The following IL22RA1 variants were observed in gnomAD, a reference collection of about 807,000 sequenced individuals.
IL22RA1 encodes the protein interleukin 22 receptor subunit alpha 1.
In IL22RA1, 25 loss-of-function variants were observed where a neutral mutation model predicts 32.8. That is an observed-to-expected ratio of 0.76 (90% confidence interval 0.55 to 1.06). The LOEUF is 1.06. IL22RA1 is among the 50% of genes least tolerant of loss of function. The pLI is 0.00. For missense variants in IL22RA1, 709 were observed against 727.4 expected (o/e 0.97, Z 0.29); for synonymous variants, 305 against 305.0 (o/e 1.00, Z 0.00).
Position 24,139,580 on chromosome 1 carries a change from C to T in IL22RA1, c.44-866G>A, listed in dbSNP as rs35862602. 7.3e-3 allele frequency among the ~76,000 whole-genome samples: 1,113 copies of T among 152,306 alleles called. 8 individuals carry two copies. Among genetic ancestry groups the T allele is most frequent in the Non-Finnish European group, 0.012 (823 of 68,022 alleles). On this transcript the variant is annotated intron_variant, in intron 1 of 6. Coordinates refer to ENST00000270800, the MANE Select transcript of IL22RA1 (RefSeq NM_021258.4). Reference sequence around the variant, plus strand: ...ACAGGGTCTTGCTCTGTCCCCCAGGCTGGAGTGCAGTGGCGTGATCATGGC... The same window carrying T: ...ACAGGGTCTTGCTCTGTCCCCCAGGTTGGAGTGCAGTGGCGTGATCATGGC...
rs776649354 is a variant in IL22RA1, at chr1:24,121,118, C to T, written c.1412G>A (p.Cys471Tyr). The T allele has an allele frequency of 6.2e-7, 1 of 1,614,034 alleles. No individual in the cohort carries two copies. The highest frequency in any genetic ancestry group is 1.3e-5 in the African/African-American group (1 of 74,898). ...ATTTGGGTCAGATGTTCTGTCTGTG[C>T]AAATCCCCAGGGGCTGGTGCAATGA... is the stretch of plus-strand genomic sequence containing the variant. ...AKSLHQPLGICTDRTSDPNVL... is the reference protein window; with the variant it reads ...AKSLHQPLGIYTDRTSDPNVL... Residue 471 changes from cysteine (C) to tyrosine (Y), a missense_variant, in exon 7 of 7, where the codon TGC (cysteine) becomes TAC (tyrosine). Transcript: ENST00000270800.
intron 2 of IL22RA1, 145 bp downstream of exon 2, chr1:24,138,437 A>G (rs753609231): frequency 1.2e-6 from 1 of 848,594 alleles, no homozygotes; most frequent in African/African-American, 1.7e-5. Context: ...CAAAAGAAAC[A>G]TAAAGGAGCA....
chr1:24,133,345 C>T (rs955386283), intron 4 of IL22RA1, among the ~76,000 whole-genome samples: 12 of 152,094 alleles, frequency 7.9e-5, no homozygotes, highest in Admixed American at 3.9e-4. Context: ...CCCATATTTT[C>T]CTCTACCTAT....
In IL22RA1 at chr1:24,129,641, G is replaced by C. The variant is rs565139902; in HGVS notation, c.532-1362C>G. 2.0e-5 allele frequency among the ~76,000 whole-genome samples: 3 copies of C among 152,244 alleles called. No homozygotes were observed. The East Asian group carries it at 5.8e-4, about 29-fold the overall frequency. On this transcript the variant is annotated intron_variant, in intron 4 of 6. Coordinates refer to ENST00000270800, the MANE Select transcript of IL22RA1 (RefSeq NM_021258.4). ...TAAAGGGCCAGAACCTGTGTTCTCG[G>C]GAGTTCAAAAACTGAGAATTTTCTT... is the stretch of plus-strand genomic sequence containing the variant.
intron 1 of IL22RA1, among the ~76,000 whole-genome samples, chr1:24,141,915 T>A (rs1459017648): frequency 6.6e-6 from 1 of 152,188 alleles, no homozygotes; most frequent in African/African-American, 2.4e-5. Flanking sequence ...CAATTCCACA[T>A]GCTCTGGAGT....
Position 24,123,294 on chromosome 1 carries a change from T to A in IL22RA1, c.792+8A>T, listed in dbSNP as rs763608459. ...ACCTCTCCCTCCCACCCTGGGGGGATGGCTCACCAGGGAGTTGGGAGGTGC... is the reference window on the plus strand; with the variant it reads ...ACCTCTCCCTCCCACCCTGGGGGGAAGGCTCACCAGGGAGTTGGGAGGTGC... On this transcript the variant is annotated splice_region_variant and intron_variant, in intron 6 of 6. Coordinates refer to ENST00000270800, the MANE Select transcript of IL22RA1 (RefSeq NM_021258.4). 1.2e-6 allele frequency: 2 copies of A among 1,613,266 alleles called. No individual in the cohort carries two copies. Among genetic ancestry groups the A allele is most frequent in the Middle Eastern group, 1.7e-4 (1 of 6,048 alleles).
At chr1:24,124,172 G>A (rs1402663231) in intron 5 of IL22RA1, among the ~76,000 whole-genome samples, 3 of 152,282 alleles carry the variant, frequency 2.0e-5, no homozygotes, top group African/African-American at 2.4e-5. Context: ...TAAAGTGCTG[G>A]GTGCAGGGAA....
At position 24,138,678 on chromosome 1, in the gene IL22RA1, T is replaced by G; in HGVS notation, c.80A>C (p.His27Pro). 1.9e-6 allele frequency: 3 copies of G among 1,614,174 alleles called. No homozygotes were observed. The highest frequency in any genetic ancestry group is 2.5e-6 in the Non-Finnish European group (3 of 1,180,028). ...AAAGTTGCTGGACTGGAATTTCACGTGCTGGAGCAGATCCGAGGGGTCCTC... is the reference window on the plus strand; with the variant it reads ...AAAGTTGCTGGACTGGAATTTCACGGGCTGGAGCAGATCCGAGGGGTCCTC... ...APEDPSDLLQ[H>P]VKFQSSNFEN... The change falls in exon 2 of 7, where the codon CAC (histidine) becomes CCC (proline). Residue 27 changes from histidine to proline, a missense_variant. Coordinates refer to ENST00000270800, the MANE Select transcript of IL22RA1 (RefSeq NM_021258.4).
Position 24,137,169 on chromosome 1 carries a change from G to A in IL22RA1, c.317C>T (p.Ala106Val). The A allele has an allele frequency of 6.2e-7, 1 of 1,613,932 alleles. No homozygotes were observed. Among genetic ancestry groups the A allele is most frequent in the Non-Finnish European group, 8.5e-7 (1 of 1,179,950 alleles). The change falls in exon 3 of 7, where the codon GCC (alanine) becomes GTC (valine). Residue 106 changes from alanine (A) to valine (V), a missense_variant. Coordinates refer to ENST00000270800, the MANE Select transcript of IL22RA1 (RefSeq NM_021258.4). ...GCTGAACCTGTCAGTCATCTTGGTG[G>A]CTGACCGGCCTCCCGCACTGACAGC... Reference protein sequence around the residue: ...VTAVSAGGRSATKMTDRFSSL... With the variant: ...VTAVSAGGRSVTKMTDRFSSL...
chr1:24,134,690 G>T (rs374322347), intron 3 of IL22RA1, among the ~76,000 whole-genome samples: 5 of 152,122 alleles, frequency 3.3e-5, no homozygotes, highest in Admixed American at 6.5e-5. Context: ...AGCCCCCTGC[G>T]TCCCCACCTT....
rs1460706875 is a variant in IL22RA1 at position 24,120,399 on chromosome 1, C to G, written c.*406G>C. On this transcript the variant is annotated 3_prime_UTR_variant, in exon 7 of 7. Transcript: ENST00000270800. Reference sequence around the variant, plus strand: ...ACAGAAGAGGCAGGGGCCTCATGCTCTGTCGAGCTAGATTGTGAAACTGGC... The same window carrying G: ...ACAGAAGAGGCAGGGGCCTCATGCTGTGTCGAGCTAGATTGTGAAACTGGC... 2 of 164,318 alleles carry G rather than the reference C, an allele frequency of 1.2e-5. No homozygotes were observed. The highest frequency in any genetic ancestry group is 4.8e-5 in the African/African-American group (2 of 41,876). 10.2% of individuals were successfully genotyped at this position (164,318 alleles called of 1,614,324 possible). A position where few individuals can be genotyped will look rare whatever the true frequency, so the allele number is the denominator to read the frequency against.
chr1:24,140,279 T>C (rs1644271657), intron 1 of IL22RA1, among the ~76,000 whole-genome samples: 1 of 152,138 alleles, frequency 6.6e-6, no homozygotes, highest in African/African-American at 2.4e-5. Flanking sequence ...GCTAGACTGG[T>C]TGTGGGGCGG....
At chr1:24,141,347 G>A (rs1044787900) in intron 1 of IL22RA1, among the ~76,000 whole-genome samples, 3 of 152,196 alleles carry the variant, frequency 2.0e-5, no homozygotes, top group Non-Finnish European at 4.4e-5. Flanking sequence ...GTGGCTTCTG[G>A]TTGGGTGGTG....
chr1:24,128,571 T>C (rs2148571857), intron 4 of IL22RA1, among the ~76,000 whole-genome samples: 1 of 151,794 alleles, frequency 6.6e-6, no homozygotes, highest in South Asian at 2.1e-4. Flanking sequence ...TATACACACA[T>C]AATGGCAGCT....
intron 1 of IL22RA1, among the ~76,000 whole-genome samples, chr1:24,138,987 CCACCTTACAGTGTT>C (rs1229354980): frequency 2.0e-5 from 3 of 152,254 alleles, no homozygotes; most frequent in Non-Finnish European, 4.4e-5. Context: ...ATAAATGTCA[CCACCTTACAGTGTT>C]CAGTTCAATG....
In IL22RA1 at chr1:24,128,132, C is replaced by T. The variant is rs201360269; in HGVS notation, c.670+9G>A. ...AGCCCCACCTCCCTCTGGTTTCAGCCGAACTCACCTGGCAGTGTCTTCACT... is the reference window on the plus strand; with the variant it reads ...AGCCCCACCTCCCTCTGGTTTCAGCTGAACTCACCTGGCAGTGTCTTCACT... On this transcript the variant is annotated intron_variant, in intron 5 of 6. Coordinates refer to ENST00000270800, the MANE Select transcript of IL22RA1 (RefSeq NM_021258.4). The T allele has an allele frequency of 1.4e-4, 218 of 1,507,778 alleles. 1 individual carries two copies. The highest frequency in any genetic ancestry group is 1.7e-4 in the Non-Finnish European group (195 of 1,126,110). 93.4% of individuals were successfully genotyped at this position (1,507,778 alleles called of 1,614,324 possible).
Position 24,120,770 on chromosome 1 carries a change from G to A in IL22RA1, c.*35C>T, listed in dbSNP as rs1359630247. ...AGCCAAGGATGTGACACTGGGTAGG[G>A]ACAGGGAGGAAGCACCAAGCCTTTC... On this transcript the variant is annotated 3_prime_UTR_variant, in exon 7 of 7. Coordinates refer to ENST00000270800, the MANE Select transcript of IL22RA1 (RefSeq NM_021258.4). The A allele has an allele frequency of 6.5e-6, 10 of 1,543,994 alleles. No homozygotes were observed. The African/African-American group carries it at 1.2e-4, about 19-fold the overall frequency.
At chr1:24,141,935 A>AT (rs977067158) in intron 1 of IL22RA1, among the ~76,000 whole-genome samples, 31 of 152,266 alleles carry the variant, frequency 2.0e-4, no homozygotes, top group African/African-American at 7.2e-4. Flanking sequence ...TCAGCCTAAG[A>AT]TTGGGGGGGT....
At chr1:24,136,198 T>A (rs2148574716) in intron 3 of IL22RA1, among the ~76,000 whole-genome samples, 1 of 152,224 alleles carries the variant, frequency 6.6e-6, no homozygotes, top group South Asian at 2.1e-4. Flanking sequence ...CAAGTGATCC[T>A]CTTGCCTCAG....
Sources: gnomAD v4.1 joint callset for allele counts (sites outside exome capture counted in the v4.1 genomes callset) on GRCh38, gnomAD v4.1.1 for gene constraint, MANE v1.5 for transcripts, NCBI Gene and HGNC (gene_info 2026-07-23, HGNC 2026-07-21) for gene names.